Variants in RBFOX3 observed in about 807,000 individuals in gnomAD.
RBFOX3 encodes RNA binding protein fox-1 homolog 3.
Under a neutral mutation model 48.7 loss-of-function variants are expected in RBFOX3, and 17 were observed. The observed-to-expected ratio is 0.35, with a 90% confidence interval of 0.24 to 0.52. RBFOX3 has a LOEUF of 0.52. Among genes scored for constraint, RBFOX3 ranks in the 20% least tolerant of loss-of-function variants. The probability of loss-of-function intolerance (pLI) is 0.94; values close to 1 mark genes in which losing one functional copy is unlikely to be tolerated. For missense variants in RBFOX3, 382 were observed against 497.5 expected (o/e 0.77, Z 2.21); for synonymous variants, 212 against 209.5 (o/e 1.01, Z -0.10).
chr17:79,370,439 CACCCTG>C (rs1238330701), intron 2 of RBFOX3, among the ~76,000 whole-genome samples: 19 of 152,354 alleles, frequency 1.2e-4, no homozygotes, highest in African/African-American at 4.3e-4. Context: ...CACATGCACA[CACCCTG>C]ATGTGCACAG....
chr17:79,125,075 C>T (rs180672022), intron 4 of RBFOX3, among the ~76,000 whole-genome samples: 71 of 152,308 alleles, frequency 4.7e-4, no homozygotes, highest in South Asian at 2.1e-4. Context: ...GACCTCTAGA[C>T]GCCTCCTTGA....
At chr17:79,654,784 G>A in the RBFOX3 span, among the ~76,000 whole-genome samples, 548 of 152,256 alleles carry the variant, frequency 3.6e-3, 4 homozygotes, top group Admixed American at 0.017. Flanking sequence ...ACTTTGAGAG[G>A]TGGCCTTCAG....
chr17:79,581,632 A>C (rs1031479127), intron 1 of RBFOX3, among the ~76,000 whole-genome samples: 1 of 152,210 alleles, frequency 6.6e-6, no homozygotes, highest in South Asian at 2.1e-4. Context: ...CCATTATTTG[A>C]TATGCGGGAG....
chr17:79,479,839 T>C lies in RBFOX3; in HGVS notation c.-175+2615A>G, dbSNP rs1373881713. 6.6e-6 allele frequency among the ~76,000 whole-genome samples: 1 copy of C among 152,202 alleles called. No homozygotes were observed. Among genetic ancestry groups the C allele is most frequent in the African/African-American group, 2.4e-5 (1 of 41,460 alleles). ...GGGAGATGGTGCTACCGTCACGGCC[T>C]GCAGGATGTCTGTACGTCAGGGCCC... is the stretch of plus-strand genomic sequence containing the variant. On this transcript the variant is annotated intron_variant, in intron 2 of 14. Coordinates refer to ENST00000693108, the MANE Select transcript of RBFOX3 (RefSeq NM_001350451.2). This position sits in a 1 kb window ranked among gnomAD's most constrained non-coding sequence, Gnocchi z 5.1.
chr17:79,476,755 G>C (rs1660838820), intron 2 of RBFOX3, among the ~76,000 whole-genome samples: 1 of 152,088 alleles, frequency 6.6e-6, no homozygotes, highest in Non-Finnish European at 1.5e-5. Context: ...CAGAATTAGG[G>C]GGTCTGGAAA....
intron 1 of RBFOX3, among the ~76,000 whole-genome samples, chr17:79,565,828 C>G (rs2092434079): frequency 6.6e-6 from 1 of 152,202 alleles, no homozygotes; most frequent in African/African-American, 2.4e-5. Flanking sequence ...CAAGACCACT[C>G]TGCATTTTGG....
chr17:79,660,485 G>C, the RBFOX3 span, among the ~76,000 whole-genome samples: 1 of 152,146 alleles, frequency 6.6e-6, no homozygotes, highest in Non-Finnish European at 1.5e-5. Context: ...GTAGGCAAGA[G>C]ATATGAACAG....
At chr17:79,639,787 A>G in the RBFOX3 span, among the ~76,000 whole-genome samples, 1 of 152,210 alleles carries the variant, frequency 6.6e-6, no homozygotes, top group Non-Finnish European at 1.5e-5. Flanking sequence ...AAAGTTTAAC[A>G]TCCATTCATG....
chr17:79,226,557 G>A (rs1185016538), intron 4 of RBFOX3, among the ~76,000 whole-genome samples: 2 of 152,194 alleles, frequency 1.3e-5, no homozygotes, highest in African/African-American at 4.8e-5. Context: ...TGTGTCCTGG[G>A]CATCACCCTG....
chr17:79,286,790 C>T (rs983543930), intron 3 of RBFOX3, among the ~76,000 whole-genome samples: 6 of 152,180 alleles, frequency 3.9e-5, no homozygotes, highest in African/African-American at 1.2e-4. Context: ...AGGTCCCACC[C>T]ATAGACCTGC....
chr17:79,498,896 C>CCATCCATCCATCCATATGGCTGA, intron 1 of RBFOX3, among the ~76,000 whole-genome samples: 1 of 151,206 alleles, frequency 6.6e-6, no homozygotes, highest in Non-Finnish European at 1.5e-5. Context: ...ATCCATCCAT[C>CCATCCATCCATCCATATGGCTGA]CATCCATCCA....
chr17:79,134,772 C>T (rs73999820), intron 4 of RBFOX3, among the ~76,000 whole-genome samples: 15,211 of 152,206 alleles, frequency 0.1, 1,925 homozygotes, highest in African/African-American at 0.3. Flanking sequence ...CCCAAAAGGA[C>T]GCCACTCGGA....
intron 1 of RBFOX3, among the ~76,000 whole-genome samples, chr17:79,506,406 C>A (rs1017548156): frequency 6.6e-6 from 1 of 152,212 alleles, no homozygotes; most frequent in Non-Finnish European, 1.5e-5. Context: ...CAAGGCGATG[C>A]CGAGCGGCCA....
intron 3 of RBFOX3, among the ~76,000 whole-genome samples, chr17:79,297,567 G>A (rs2074599197): frequency 6.6e-6 from 1 of 152,268 alleles, no homozygotes; most frequent in Admixed American, 6.5e-5. Flanking sequence ...GCTGATGTAG[G>A]ACAGACACTG....
intron 1 of RBFOX3, among the ~76,000 whole-genome samples, chr17:79,500,563 T>C (rs1335587790): frequency 2.6e-5 from 4 of 152,326 alleles, no homozygotes; most frequent in African/African-American, 9.6e-5. Context: ...AGTCATTGAT[T>C]GTTGTTTTAA....
Position 79,363,724 on chromosome 17 carries a change from C to T in RBFOX3, c.-174-55900G>A, listed in dbSNP as rs1212855682. Among the ~76,000 whole-genome samples the T allele has an allele frequency of 1.3e-5, 2 of 152,072 alleles. No individual in the cohort carries two copies. Among genetic ancestry groups the T allele is most frequent in the South Asian group, 2.1e-4 (1 of 4,824 alleles). On this transcript the variant is annotated intron_variant, in intron 2 of 14. Coordinates refer to ENST00000693108, the MANE Select transcript of RBFOX3 (RefSeq NM_001350451.2). This position sits in a 1 kb window ranked among gnomAD's most constrained non-coding sequence, Gnocchi z 4.7. ...TCCGACACGCCTCCAGAGCCCCCAA[C>T]ACCTCCAGAGCCCTCCAGCCTCCAT... is the stretch of plus-strand genomic sequence containing the variant.
chr17:79,290,384 C>G (rs1004085553), intron 3 of RBFOX3, among the ~76,000 whole-genome samples: 1 of 152,078 alleles, frequency 6.6e-6, no homozygotes, highest in African/African-American at 2.4e-5. Context: ...CCTCTAAGGG[C>G]CTCATTTTCC....
At chr17:79,456,775 G>A (rs991998800) in intron 2 of RBFOX3, among the ~76,000 whole-genome samples, 9 of 152,010 alleles carry the variant, frequency 5.9e-5, no homozygotes, top group East Asian at 5.8e-4. Context: ...TGGCCCGGCC[G>A]GCTCTCTCGG....
At chr17:79,434,018 C>T (rs1455179779) in intron 2 of RBFOX3, among the ~76,000 whole-genome samples, 1 of 152,210 alleles carries the variant, frequency 6.6e-6, no homozygotes, top group East Asian at 1.9e-4. Context: ...CACGTCACAG[C>T]CTCCTGGCGC....
Sources: allele counts gnomAD v4.1 joint callset (sites outside exome capture counted in the v4.1 genomes callset), GRCh38; gene constraint gnomAD v4.1.1; non-coding constraint Gnocchi (gnomAD v3.1); transcripts MANE v1.5; gene names NCBI Gene and HGNC (gene_info 2026-07-23, HGNC 2026-07-21).